The following ESR1 variants were observed in gnomAD, a reference collection of about 807,000 sequenced individuals.
ESR1 encodes estrogen receptor 1.
In ESR1, 12 loss-of-function variants were observed where a neutral mutation model predicts 52.7. The ratio of observed to expected loss-of-function variants is 0.23; its 90% CI spans 0.15 to 0.37. The LOEUF (loss-of-function observed/expected upper bound fraction) is 0.37, where lower values mean the gene tolerates loss of function less well. Ranked by LOEUF, ESR1 falls within the 10% of genes least tolerant of loss-of-function variation. The probability of loss-of-function intolerance (pLI) is 1.00; values close to 1 mark genes in which losing one functional copy is unlikely to be tolerated. For missense variants in ESR1, 584 were observed against 779.7 expected, an observed-to-expected ratio of 0.75 and a Z score of 2.99; for synonymous variants, 305 against 316.8, an observed-to-expected ratio of 0.96 and a Z score of 0.39.
chr6:152,048,688 A>G lies in ESR1; in HGVS notation c.1236-12303A>G, dbSNP rs141699579. On this transcript the variant is annotated intron_variant, in intron 5 of 7. Coordinates refer to ENST00000206249, the MANE Select transcript of ESR1 (RefSeq NM_000125.4). ...ATTTACTGCGTGAAGGAATGAATGA[A>G]TCTTTATGTCCCTCGTGCCTAACAT... 3.3e-4 allele frequency among the ~76,000 whole-genome samples: 51 copies of G among 152,316 alleles called. 1 individual carries two copies. Among genetic ancestry groups the G allele is most frequent in the African/African-American group, 1.2e-3 (51 of 41,574 alleles).
Position 151,842,632 on chromosome 6 carries a change from A to C in ESR1, c.488A>C (p.Glu163Ala). Reference protein sequence around the residue: ...NSDNRRQGGRERLASTNDKGS... With the variant: ...NSDNRRQGGRARLASTNDKGS... The stretch of plus-strand genomic sequence containing the variant: ...GATAATCGACGCCAGGGTGGCAGAG[A>C]AAGATTGGCCAGTACCAATGACAAG... The change falls in exon 2 of 8, where the codon GAA (glutamate) becomes GCA (alanine). Residue 163 changes from glutamate to alanine, a missense_variant. By Grantham distance (107) the Glu-to-Ala change is moderately radical. Around this residue, in one of 6 missense-constraint regions of ESR1, gnomAD observed 251 missense variants for 246.1 expected, o/e 1.02. Transcript: ENST00000206249. 1 of 1,613,826 alleles carries C rather than the reference A, an allele frequency of 6.2e-7. No homozygotes were observed. The highest frequency in any genetic ancestry group is 8.5e-7 in the Non-Finnish European group (1 of 1,179,910).
intron 1 of ESR1, among the ~76,000 whole-genome samples, chr6:151,825,737 C>G (rs199677804): frequency 6.6e-6 from 1 of 151,822 alleles, no homozygotes; most frequent in Non-Finnish European, 1.5e-5. Context: ...AATGGAGAAA[C>G]CTCGTCTCTA....
chr6:151,809,264 T>G (rs1778410846), intron 1 of ESR1: 1 of 401,846 alleles, frequency 2.5e-6, no homozygotes. Context: ...GTGACTTCAA[T>G]GGCGAAGGTT....
intron 5 of ESR1, among the ~76,000 whole-genome samples, chr6:152,013,158 A>G (rs923282025): frequency 2.0e-5 from 3 of 152,022 alleles, no homozygotes; most frequent in Non-Finnish European, 4.4e-5. Flanking sequence ...GGATGTCTTT[A>G]CCGTGTTCTT....
At chr6:151,886,566 C>T (rs1793883699) in intron 3 of ESR1, among the ~76,000 whole-genome samples, 1 of 152,008 alleles carries the variant, frequency 6.6e-6, no homozygotes, top group African/African-American at 2.4e-5. Flanking sequence ...GGGAAATATA[C>T]ATGTGTCCAG....
intron 5 of ESR1, among the ~76,000 whole-genome samples, chr6:152,035,755 A>G (rs548835560): frequency 6.6e-6 from 1 of 152,176 alleles, no homozygotes; most frequent in African/African-American, 2.4e-5. Flanking sequence ...TCAGAAACCA[A>G]ACTCTACATT....
At chr6:151,810,374 T>A (rs932807936) in intron 1 of ESR1, among the ~76,000 whole-genome samples, 1 of 152,222 alleles carries the variant, frequency 6.6e-6, no homozygotes, top group Admixed American at 6.5e-5. Flanking sequence ...TTATCTTTCC[T>A]CTTTTGTTAG....
chr6:152,042,060 C>A (rs530226520), intron 5 of ESR1, among the ~76,000 whole-genome samples: 1 of 152,318 alleles, frequency 6.6e-6, no homozygotes, highest in African/African-American at 2.4e-5. Context: ...GGAATCGCCA[C>A]CCCTGCATCT....
chr6:151,898,398 T>C, intron 3 of ESR1, among the ~76,000 whole-genome samples: 1 of 151,354 alleles, frequency 6.6e-6, no homozygotes, highest in Middle Eastern at 3.4e-3. Flanking sequence ...TTTTTTTTTT[T>C]TCTTTTCTTT....
At chr6:152,087,606 G>A (rs12182415) in intron 6 of ESR1, among the ~76,000 whole-genome samples, 55 of 152,298 alleles carry the variant, frequency 3.6e-4, no homozygotes, top group African/African-American at 1.2e-3. Context: ...GGCTTCCAAG[G>A]TCATCCTAAG....
intron 2 of ESR1, among the ~76,000 whole-genome samples, chr6:151,863,526 G>T (rs905154733): frequency 1.3e-5 from 2 of 152,124 alleles, no homozygotes; most frequent in African/African-American, 2.4e-5. Flanking sequence ...TTGCTTATCA[G>T]CTTAAGGAGA....
At chr6:151,769,572 A>G (rs2504063) in intron 2 of ESR1, among the ~76,000 whole-genome samples, 76,136 of 151,932 alleles carry the variant, frequency 0.5, 20,140 homozygotes, top group Non-Finnish European at 0.59. Flanking sequence ...TGGACACTGA[A>G]TATCTAGGCT....
chr6:151,996,768 G>GA (rs2041523412), intron 4 of ESR1, among the ~76,000 whole-genome samples: 1 of 152,060 alleles, frequency 6.6e-6, no homozygotes, highest in Admixed American at 6.6e-5. Flanking sequence ...ACAGTAAATT[G>GA]AATGTAATAG....
chr6:151,858,478 T>A lies in ESR1; in HGVS notation c.643+15691T>A, dbSNP rs77123456. Reference sequence around the variant, plus strand: ...ACATGTGAAGAGCATGCTACACACATAGACTAGATACACTGACTCATCAGC... The same window carrying A: ...ACATGTGAAGAGCATGCTACACACAAAGACTAGATACACTGACTCATCAGC... On this transcript the variant is annotated intron_variant, in intron 2 of 7. Transcript: ENST00000206249. 4.1e-3 allele frequency among the ~76,000 whole-genome samples: 620 copies of A among 152,118 alleles called. 2 individuals carry two copies. The highest frequency in any genetic ancestry group is 0.014 in the African/African-American group (585 of 41,500).
chr6:151,760,167 T>A (rs1283756832), intron 2 of ESR1, among the ~76,000 whole-genome samples: 1 of 152,168 alleles, frequency 6.6e-6, no homozygotes, highest in Admixed American at 6.5e-5. Flanking sequence ...CCCAGGAGAC[T>A]TGTTTCTTCA....
chr6:151,695,199 T>C (rs2115374853), intron 1 of ESR1, among the ~76,000 whole-genome samples: 1 of 152,304 alleles, frequency 6.6e-6, no homozygotes, highest in East Asian at 1.9e-4. Context: ...TGGAGCTTGG[T>C]TTCCCTAAGC....
At chr6:151,784,202 C>T (rs1328546838) in intron 2 of ESR1, among the ~76,000 whole-genome samples, 6 of 152,120 alleles carry the variant, frequency 3.9e-5, no homozygotes, top group Non-Finnish European at 5.9e-5. Flanking sequence ...TATGCTTCCC[C>T]TCTTTGAGAG....
chr6:151,774,840 C>T (rs1337770132), intron 2 of ESR1, among the ~76,000 whole-genome samples: 3 of 152,190 alleles, frequency 2.0e-5, no homozygotes, highest in Non-Finnish European at 4.4e-5. Flanking sequence ...CATAACCATA[C>T]ATTAAATAAC....
intron 4 of ESR1, among the ~76,000 whole-genome samples, chr6:151,969,640 G>A (rs944421281): frequency 2.0e-5 from 3 of 152,246 alleles, no homozygotes; most frequent in African/African-American, 7.2e-5. Context: ...AGAATGTGGA[G>A]TCAGCAGGAA....
Sources: gnomAD v4.1 joint callset for allele counts (sites outside exome capture counted in the v4.1 genomes callset) on GRCh38, gnomAD v4.1.1 for gene constraint, gnomAD v4.1.1 regional missense constraint, MANE v1.5 for transcripts, NCBI Gene and HGNC (gene_info 2026-07-23, HGNC 2026-07-21) for gene names.